GNAL: variants seen among roughly 807,000 people sequenced by gnomAD.
GNAL encodes guanine nucleotide-binding protein G(olf) subunit alpha.
Under a neutral mutation model 55.1 loss-of-function variants are expected in GNAL, and 18 were observed. That is an observed-to-expected ratio of 0.33 (90% confidence interval 0.23 to 0.48). GNAL has a LOEUF of 0.48. Among genes scored for constraint, GNAL ranks in the 20% least tolerant of loss-of-function variants. The probability of loss-of-function intolerance (pLI) is 0.99; values close to 1 mark genes in which losing one functional copy is unlikely to be tolerated. For missense variants in GNAL, 412 were observed against 614.1 expected (o/e 0.67, Z 3.48); for synonymous variants, 253 against 237.0 (o/e 1.07, Z -0.62).
At chr18:11,825,379 G>A (rs983360982) in intron 5 of GNAL, among the ~76,000 whole-genome samples, 4 of 152,028 alleles carry the variant, frequency 2.6e-5, no homozygotes, top group African/African-American at 7.2e-5. Context: ...AAAATAATAC[G>A]AACCTTGTGA....
At chr18:11,696,898 G>A (rs974931431) in intron 1 of GNAL, among the ~76,000 whole-genome samples, 3 of 152,236 alleles carry the variant, frequency 2.0e-5, no homozygotes, top group Non-Finnish European at 2.9e-5. Flanking sequence ...ATGCAGAGGG[G>A]CGTATGTGAT....
intron 5 of GNAL, chr18:11,851,389 C>T: frequency 1.6e-6 from 2 of 1,265,994 alleles, no homozygotes; most frequent in Middle Eastern, 2.8e-4. Flanking sequence ...CTGCGCCGCT[C>T]ACAGTAGAAA....
Position 11,743,223 on chromosome 18 carries a change from G to A in GNAL, c.377-9630G>A, listed in dbSNP as rs147125256. Among the ~76,000 whole-genome samples the A allele has an allele frequency of 2.0e-3, 309 of 151,504 alleles. 3 individuals are homozygous for A. Among genetic ancestry groups the A allele is most frequent in the African/African-American group, 7.2e-3 (296 of 41,302 alleles). On this transcript the variant is annotated intron_variant, in intron 1 of 11. Transcript: ENST00000334049. ...GGGCCACATGAGATGAGGTGTTGGC[G>A]CTAGGATTTACACAGAATCAGGTGT...
At position 11,876,670 on chromosome 18, in the gene GNAL, T is replaced by C; in HGVS notation, c.1212T>C (p.Phe404=). 2.5e-6 allele frequency: 4 copies of C among 1,603,730 alleles called. No individual in the cohort carries two copies. Among genetic ancestry groups the C allele is most frequent in the Non-Finnish European group, 3.4e-6 (4 of 1,170,424 alleles). ...EDPKVTRAKF[F]IRDLFLRIST... ...CCAAAGTTACAAGAGCCAAGTTCTT[T>C]ATCCGGGACCTGTTTTTGGTAAGCA... Residue 404 remains phenylalanine (F), a synonymous_variant, in exon 11 of 12, where the codon TTT becomes TTC. Coordinates refer to ENST00000334049, the MANE Select transcript of GNAL (RefSeq NM_182978.4).
At chr18:11,774,978 T>C (rs560687874) in intron 4 of GNAL, among the ~76,000 whole-genome samples, 3 of 152,308 alleles carry the variant, frequency 2.0e-5, no homozygotes, top group South Asian at 4.1e-4. Flanking sequence ...GCACAGGCCA[T>C]CTTTCAGTTC....
At chr18:11,831,070 C>G (rs1186164049) in intron 5 of GNAL, among the ~76,000 whole-genome samples, 1 of 151,882 alleles carries the variant, frequency 6.6e-6, no homozygotes, top group Non-Finnish European at 1.5e-5. Flanking sequence ...GATAGTTGCA[C>G]AATTTTGTGA....
chr18:11,807,789 C>T (rs182104754), intron 4 of GNAL, among the ~76,000 whole-genome samples: 2 of 152,262 alleles, frequency 1.3e-5, no homozygotes, highest in African/African-American at 4.8e-5. Flanking sequence ...CCCTGGATCC[C>T]TCTAGGATTA....
chr18:11,747,207 A>G, intron 1 of GNAL: 1 of 389,226 alleles, frequency 2.6e-6, no homozygotes, highest in South Asian at 2.3e-5. Context: ...GCCACCAGAA[A>G]TGAGAACTCC....
chr18:11,769,300 AAAG>A (rs913756642), intron 4 of GNAL, among the ~76,000 whole-genome samples: 43 of 151,470 alleles, frequency 2.8e-4, no homozygotes, highest in African/African-American at 9.7e-4. Context: ...GCCATTCAGA[AAAG>A]AAGATTAATA....
chr18:11,865,237 G>A (rs1205312926), intron 7 of GNAL, among the ~76,000 whole-genome samples: 1 of 25,854 alleles, frequency 3.9e-5, no homozygotes, highest in Non-Finnish European at 1.9e-4. Context: ...AAGAAGGTTC[G>A]GGGCTCACTA....
chr18:11,848,705 C>T (rs1212071467), intron 5 of GNAL, among the ~76,000 whole-genome samples: 3 of 152,108 alleles, frequency 2.0e-5, no homozygotes, highest in East Asian at 1.9e-4. Context: ...GATCCACCCA[C>T]CTCAGCCCCC....
intron 1 of GNAL, among the ~76,000 whole-genome samples, chr18:11,743,927 G>A (rs2032633435): frequency 6.6e-6 from 1 of 152,182 alleles, no homozygotes; most frequent in Non-Finnish European, 1.5e-5. Context: ...TAGTTTGGTG[G>A]TCTTCGGGGA....
intron 1 of GNAL, among the ~76,000 whole-genome samples, chr18:11,750,603 G>A (rs2032795035): frequency 1.3e-5 from 2 of 152,130 alleles, no homozygotes; most frequent in South Asian, 2.1e-4. Flanking sequence ...AGAAAATAAA[G>A]ACCAAAATTC....
At position 11,752,827 on chromosome 18, in the gene GNAL, A is replaced by G; in HGVS notation, c.377-26A>G. The G allele has an allele frequency of 6.5e-7, 1 of 1,530,984 alleles. No individual in the cohort carries two copies. The highest frequency in any genetic ancestry group is 1.1e-5 in the South Asian group (1 of 89,378). The allele number at this position is 1,530,984 out of a possible 1,614,324, so 94.8% of individuals were successfully genotyped here. On this transcript the variant is annotated intron_variant, in intron 1 of 11. Coordinates refer to ENST00000334049, the MANE Select transcript of GNAL (RefSeq NM_182978.4). This position sits in a 1 kb window ranked among gnomAD's most constrained non-coding sequence, Gnocchi z 4.5. ...TGGCAGCGATATCCGGACACAGATC[A>G]CAGCGTTCTTTCTGTTTGTTTGCAG...
At chr18:11,867,388 G>A (rs1034908233) in intron 8 of GNAL, among the ~76,000 whole-genome samples, 162 bp downstream of exon 8, 7 of 152,112 alleles carry the variant, frequency 4.6e-5, no homozygotes, top group African/African-American at 1.7e-4. Context: ...ATTAAAAAAA[G>A]CATTTAAGGG....
chr18:11,774,550 C>G (rs1009709728), intron 4 of GNAL, among the ~76,000 whole-genome samples: 2 of 152,104 alleles, frequency 1.3e-5, no homozygotes, highest in African/African-American at 4.8e-5. Flanking sequence ...CAAGAACTGC[C>G]CTAAGCTGTA....
chr18:11,715,578 G>A (rs1449891791), intron 1 of GNAL, among the ~76,000 whole-genome samples: 4 of 152,126 alleles, frequency 2.6e-5, no homozygotes. Context: ...TTTAGCCAGG[G>A]TGTGGAGGAA....
chr18:11,862,425 G>C lies in GNAL; in HGVS notation c.753G>C (p.Leu251Phe). 6.2e-7 allele frequency: 1 copy of C among 1,613,516 alleles called. No homozygotes were observed. The change falls in exon 6 of 12, where the codon TTG becomes TTC. Residue 251 changes from leucine to phenylalanine, a missense_variant. Coordinates refer to ENST00000334049, the MANE Select transcript of GNAL (RefSeq NM_182978.4). ...YFLERIDSVS[L>F]VDYTPTDQDL... is the part of the protein sequence containing the mutation. ...TGGAAAGAATCGACAGCGTCAGCTT[G>C]GTTGACTACACACCCACAGACCAGG...
chr18:11,747,620 G>A (rs899578769), intron 1 of GNAL: 3 of 151,896 alleles, frequency 2.0e-5, no homozygotes, highest in African/African-American at 7.3e-5. Context: ...AGGGGTACTG[G>A]GGATGGATAG....
Sources: allele counts gnomAD v4.1 joint callset (sites outside exome capture counted in the v4.1 genomes callset), GRCh38; gene constraint gnomAD v4.1.1; non-coding constraint Gnocchi (gnomAD v3.1); transcripts MANE v1.5; gene names NCBI Gene and HGNC (gene_info 2026-07-23, HGNC 2026-07-21).